NTM: variants seen among roughly 807,000 people sequenced by gnomAD.
The protein encoded by NTM is IgLON family member 2.
A neutral mutation model predicts 42.1 loss-of-function variants in NTM; 13 were observed. That is an observed-to-expected ratio of 0.31 (90% CI 0.20 to 0.49). The LOEUF is 0.49. Among genes scored for constraint, NTM ranks in the 20% least tolerant of loss-of-function variants. The pLI is 0.99. For missense variants in NTM, 373 were observed against 452.8 expected (o/e 0.82, Z 1.60); for synonymous variants, 187 against 179.2 (o/e 1.04, Z -0.35).
At chr11:131,425,308 T>TCCCAAAAACGCCCTATAGTTC (rs1247980846) in intron 1 of NTM, among the ~76,000 whole-genome samples, 4 of 152,212 alleles carry the variant, frequency 2.6e-5, no homozygotes, top group Admixed American at 6.5e-5. Context: ...GGCCATAGTT[T>TCCCAAAAACGCCCTATAGTTC]CCCAAAAACG....
At chr11:131,521,470 G>A (rs1381280649) in intron 1 of NTM, among the ~76,000 whole-genome samples, 3 of 119,912 alleles carry the variant, frequency 2.5e-5, no homozygotes, top group African/African-American at 3.3e-5. Context: ...CAGTGGCGGC[G>A]CAATCTCGGC....
At chr11:132,015,629 T>C (rs1015981631) in intron 2 of NTM, among the ~76,000 whole-genome samples, 1 of 145,386 alleles carries the variant, frequency 6.9e-6, no homozygotes, top group Non-Finnish European at 1.5e-5. Context: ...AAATTTATTC[T>C]TAGATATTTT....
At chr11:131,491,309 G>A (rs894232213) in intron 1 of NTM, among the ~76,000 whole-genome samples, 3 of 152,044 alleles carry the variant, frequency 2.0e-5, no homozygotes, top group African/African-American at 4.8e-5. Context: ...CTGAAGATGT[G>A]ATAAAAAGTA....
chr11:132,060,096 C>A (rs994099678), intron 2 of NTM, among the ~76,000 whole-genome samples: 11 of 152,176 alleles, frequency 7.2e-5, no homozygotes, highest in Non-Finnish European at 2.9e-5. Flanking sequence ...GAGACATAGG[C>A]CCCAGGTTGA....
At chr11:131,805,428 ATGTG>A (rs1257198484) in intron 1 of NTM, among the ~76,000 whole-genome samples, 1 of 152,080 alleles carries the variant, frequency 6.6e-6, no homozygotes, top group African/African-American at 2.4e-5. Flanking sequence ...TGCATGTGTG[ATGTG>A]TGTGTGTAAG....
chr11:131,838,784 AC>A (rs910232475), intron 1 of NTM, among the ~76,000 whole-genome samples: 5 of 152,304 alleles, frequency 3.3e-5, no homozygotes, highest in East Asian at 1.9e-4. Flanking sequence ...ATACAAAAAA[AC>A]ATTCCATCAT....
chr11:132,208,190 C>A (rs777696025), intron 3 of NTM, among the ~76,000 whole-genome samples: 1 of 152,202 alleles, frequency 6.6e-6, no homozygotes, highest in Non-Finnish European at 1.5e-5. Context: ...TCAGAAGCTT[C>A]CTTATGAGGA....
chr11:131,674,304 T>C (rs2070969484), intron 1 of NTM, among the ~76,000 whole-genome samples: 1 of 152,236 alleles, frequency 6.6e-6, no homozygotes, highest in South Asian at 2.1e-4. Context: ...CCCAAGACAT[T>C]CTTGTCACTC....
At position 132,110,455 on chromosome 11, in the gene NTM, A is replaced by G. The variant is rs2063011171; in HGVS notation, c.168-35827A>G. 2.0e-5 allele frequency among the ~76,000 whole-genome samples: 3 copies of G among 152,322 alleles called. No individual in the cohort carries two copies. The South Asian group carries it at 6.2e-4, about 32-fold the overall frequency. On this transcript the variant is annotated intron_variant, in intron 2 of 8. Coordinates refer to ENST00000683400, the MANE Select transcript of NTM (RefSeq NM_001352005.2). ...AAGTGTGATCCAGTGGACTGGAGGTATGCACTGAGTATATTCCTAATATCA... is the reference window on the plus strand; with the variant it reads ...AAGTGTGATCCAGTGGACTGGAGGTGTGCACTGAGTATATTCCTAATATCA...
At chr11:131,956,465 T>C (rs945809581) in intron 2 of NTM, among the ~76,000 whole-genome samples, 2 of 152,134 alleles carry the variant, frequency 1.3e-5, no homozygotes, top group African/African-American at 4.8e-5. Context: ...TAGGATACTT[T>C]AGCATTACTC....
In NTM at chr11:131,611,124, G is replaced by A. The variant is rs570909555; in HGVS notation, c.82+240236G>A. On this transcript the variant is annotated intron_variant, in intron 1 of 8. Coordinates refer to ENST00000683400, the MANE Select transcript of NTM (RefSeq NM_001352005.2). ...ATCTCTGAGTGTAGGAAGAGGCATC[G>A]GGGACCAAGGAAGCTGAAGTGACGC... Among the ~76,000 whole-genome samples the A allele has an allele frequency of 5.9e-5, 9 of 152,226 alleles. No homozygotes were observed. In the South Asian group the frequency reaches 1.5e-3, roughly 25 times the overall value.
chr11:132,070,082 CACAGCCAAGTTAACACGTCAA>C, intron 2 of NTM, among the ~76,000 whole-genome samples: 2 of 139,956 alleles, frequency 1.4e-5, no homozygotes, highest in African/African-American at 2.7e-5. Flanking sequence ...TAACACGTCA[CACAGCCAAGTTAACACGTCAA>C]ACTGACCGTC....
chr11:131,548,438 CTTTT>C (rs887135388), intron 1 of NTM, among the ~76,000 whole-genome samples: 2 of 151,978 alleles, frequency 1.3e-5, no homozygotes, highest in Non-Finnish European at 2.9e-5. Flanking sequence ...GCCTGATCAT[CTTTT>C]TTTTATATTC....
chr11:132,150,517 G>T (rs961414457), intron 3 of NTM, among the ~76,000 whole-genome samples: 1 of 152,196 alleles, frequency 6.6e-6, no homozygotes, highest in Non-Finnish European at 1.5e-5. Context: ...GGCTTGAAGG[G>T]CTAGGTATAT....
chr11:132,038,167 C>T (rs1469818805), intron 2 of NTM, among the ~76,000 whole-genome samples: 1 of 152,206 alleles, frequency 6.6e-6, no homozygotes, highest in Non-Finnish European at 1.5e-5. Flanking sequence ...ATTAGTAAGT[C>T]TGAGTTATTC....
intron 1 of NTM, among the ~76,000 whole-genome samples, chr11:131,546,271 A>G (rs1398816040): frequency 6.6e-6 from 1 of 151,842 alleles, no homozygotes; most frequent in Non-Finnish European, 1.5e-5. Context: ...AACAAACTAA[A>G]CCCGGTTCTT....
chr11:131,579,951 C>T (rs956201861), intron 1 of NTM, among the ~76,000 whole-genome samples: 2 of 152,160 alleles, frequency 1.3e-5, no homozygotes, highest in Admixed American at 1.3e-4. Flanking sequence ...CCCTGAGCAA[C>T]ATTTTTCTCT....
rs866402037 is a variant in NTM, at chr11:132,002,500, C to A, written c.167+90852C>A. Among the ~76,000 whole-genome samples, 12 of 152,126 alleles carry A rather than the reference C, an allele frequency of 7.9e-5. No homozygotes were observed. Among genetic ancestry groups the A allele is most frequent in the African/African-American group, 2.9e-4 (12 of 41,428 alleles). On this transcript the variant is annotated intron_variant, in intron 2 of 8. Transcript: ENST00000683400. The surrounding 1 kb of genome is among the most constrained non-coding windows in gnomAD (Gnocchi z 4.5). ...CGTCTCAATTCATCATAAGCAAATA[C>A]AATTACTACTCTGCAAATACTATGT... is the stretch of plus-strand genomic sequence containing the variant.
intron 6 of NTM, 29 bp from the exon 7 acceptor site, chr11:132,314,523 T>C: frequency 6.3e-7 from 1 of 1,594,414 alleles, no homozygotes; most frequent in Non-Finnish European, 8.5e-7. Flanking sequence ...CATCTTGTTT[T>C]CTTCTTTTTT....
Sources: gnomAD v4.1 joint callset for allele counts (sites outside exome capture counted in the v4.1 genomes callset) on GRCh38, gnomAD v4.1.1 for gene constraint, Gnocchi (gnomAD v3.1) non-coding constraint, MANE v1.5 for transcripts, NCBI Gene and HGNC (gene_info 2026-07-23, HGNC 2026-07-21) for gene names.